TTC9: variants seen among roughly 807,000 people sequenced by gnomAD.
The protein encoded by TTC9 is tetratricopeptide repeat protein 9A.
Under a neutral mutation model 22.9 loss-of-function variants are expected in TTC9, and 13 were observed. The ratio of observed to expected loss-of-function variants is 0.57; its 90% CI spans 0.37 to 0.90. TTC9 has a LOEUF of 0.90. Ranked by LOEUF, TTC9 falls within the 40% of genes least tolerant of loss-of-function variation. The pLI is 0.01. For missense variants in TTC9, 280 were observed against 291.8 expected (o/e 0.96, Z 0.29); for synonymous variants, 148 against 133.2 (o/e 1.11, Z -0.77).
chr14:70,669,883 C>A (rs572775401), intron 2 of TTC9, among the ~76,000 whole-genome samples: 17 of 152,290 alleles, frequency 1.1e-4, no homozygotes, highest in South Asian at 4.1e-4. Flanking sequence ...CTATTCCAGG[C>A]AGCCCTGTCA....
At chr14:70,670,396 G>A (rs894069289) in intron 2 of TTC9, among the ~76,000 whole-genome samples, 3 of 152,184 alleles carry the variant, frequency 2.0e-5, no homozygotes, top group African/African-American at 7.2e-5. Flanking sequence ...GCTCACTCAC[G>A]CCTCTGATCC....
rs771897971 is a variant in TTC9, at chr14:70,642,324, G to A, written c.195G>A (p.Ala65=). 3 of 1,582,756 alleles carry A rather than the reference G, an allele frequency of 1.9e-6. No homozygotes were observed. The African/African-American group carries it at 4.1e-5, about 22-fold the overall frequency. The change falls in exon 1 of 3, where the codon GCG becomes GCA. Residue 65 remains alanine (A), a synonymous_variant. Transcript: ENST00000256367. ...CGCACGAGTTCAAAAGCCAAGGGGC[G>A]CAGTGCTACAAGGACAAGAAATTCC... ...RRAHEFKSQG[A]QCYKDKKFRE... is the part of the protein sequence containing the mutation.
chr14:70,643,433 G>A (rs1055850372), intron 1 of TTC9, among the ~76,000 whole-genome samples: 11 of 152,162 alleles, frequency 7.2e-5, no homozygotes, highest in Non-Finnish European at 1.6e-4. Context: ...GGCCTTCCTG[G>A]GAGAAGGTGG....
At chr14:70,667,305 C>T (rs1886228678) in intron 1 of TTC9, among the ~76,000 whole-genome samples, 1 of 152,224 alleles carries the variant, frequency 6.6e-6, no homozygotes, top group African/African-American at 2.4e-5. Flanking sequence ...AGGACTTCAA[C>T]ATATCTTTTG....
chr14:70,671,300 G>A lies in TTC9; in HGVS notation c.*145G>A, dbSNP rs1400740766. The A allele has an allele frequency of 7.8e-6, 5 of 642,140 alleles. No homozygotes were observed. The highest frequency in any genetic ancestry group is 3.7e-5 in the African/African-American group (2 of 54,262). 39.8% of individuals were successfully genotyped at this position (642,140 alleles called of 1,614,324 possible). A position where few individuals can be genotyped will look rare whatever the true frequency, so the allele number is the denominator to read the frequency against. On this transcript the variant is annotated 3_prime_UTR_variant, in exon 3 of 3. Transcript: ENST00000256367. The stretch of plus-strand genomic sequence containing the variant: ...TCCTCCTGTTGCACCCCAGCTCTTT[G>A]TCTCCTCCCAGTACGAAAAGGAGAG...
intron 2 of TTC9, among the ~76,000 whole-genome samples, chr14:70,669,000 C>CA (rs1368780896): frequency 6.6e-6 from 1 of 151,274 alleles, no homozygotes; most frequent in Non-Finnish European, 1.5e-5. Context: ...ACTAAAAATA[C>CA]AAAAAATTAT....
intron 1 of TTC9, among the ~76,000 whole-genome samples, chr14:70,661,989 G>C (rs1238443609): frequency 6.6e-6 from 1 of 152,172 alleles, no homozygotes; most frequent in East Asian, 1.9e-4. Context: ...AAGGAAGGCT[G>C]TTTCTCCTCT....
At chr14:70,667,489 G>C in intron 1 of TTC9, 75 bp from the exon 2 acceptor site, 3 of 1,541,200 alleles carry the variant, frequency 1.9e-6, no homozygotes, top group Non-Finnish European at 2.7e-6. Context: ...AACCTCTGGA[G>C]AGAAGCAACT....
At chr14:70,650,439 A>G (rs762165336) in intron 1 of TTC9, among the ~76,000 whole-genome samples, 1 of 151,822 alleles carries the variant, frequency 6.6e-6, no homozygotes, top group Non-Finnish European at 1.5e-5. Context: ...AAAAAAGAAT[A>G]TACTTGATGA....
rs938731727 is a variant in TTC9, at chr14:70,672,668, T to C, written c.*1513T>C. The C allele has an allele frequency of 7.2e-5, 11 of 152,344 alleles. No individual in the cohort carries two copies. The highest frequency in any genetic ancestry group is 2.6e-4 in the African/African-American group (11 of 41,574). The allele number at this position is 152,344 out of a possible 1,614,324, so 9.4% of individuals were successfully genotyped here. ...AAAATTAAAATATATACAGATGCAA[T>C]AATGTGAATAGTTAGGATTTATTAA... On this transcript the variant is annotated 3_prime_UTR_variant, in exon 3 of 3. Coordinates refer to ENST00000256367, the MANE Select transcript of TTC9 (RefSeq NM_015351.2).
At chr14:70,649,123 T>C (rs992440027) in intron 1 of TTC9, among the ~76,000 whole-genome samples, 1 of 152,154 alleles carries the variant, frequency 6.6e-6, no homozygotes, top group Non-Finnish European at 1.5e-5. Flanking sequence ...GCTAGGCATT[T>C]CCAATCATAG....
chr14:70,642,314 G>C lies in TTC9; in HGVS notation c.185G>C (p.Ser62Thr). Residue 62 changes from serine to threonine, a missense_variant, in exon 1 of 3, where the codon AGC becomes ACC. By Grantham distance (58) the Ser-to-Thr change is moderately conservative. Coordinates refer to ENST00000256367, the MANE Select transcript of TTC9 (RefSeq NM_015351.2). ...ATCCGACGAGCGCACGAGTTCAAAAGCCAAGGGGCGCAGTGCTACAAGGAC... is the reference window on the plus strand; with the variant it reads ...ATCCGACGAGCGCACGAGTTCAAAACCCAAGGGGCGCAGTGCTACAAGGAC... The part of the protein sequence containing the change: ...ELIRRAHEFK[S>T]QGAQCYKDKK... 2 of 1,570,814 alleles carry C rather than the reference G, an allele frequency of 1.3e-6. No homozygotes were observed. The highest frequency in any genetic ancestry group is 2.4e-5 in the East Asian group (1 of 41,204).
At chr14:70,650,518 C>T (rs1953796) in intron 1 of TTC9, among the ~76,000 whole-genome samples, 45,690 of 152,070 alleles carry the variant, frequency 0.3, 7,419 homozygotes, top group East Asian at 0.53. Flanking sequence ...TTCTTAAGAA[C>T]GTAGCAGAAG....
intron 1 of TTC9, among the ~76,000 whole-genome samples, chr14:70,650,422 C>A (rs1377979729): frequency 3.4e-5 from 5 of 145,490 alleles, no homozygotes; most frequent in African/African-American, 5.1e-5. Flanking sequence ...GACACCATCT[C>A]AAAAAAAAAA....
At chr14:70,645,406 T>C (rs1418971191) in intron 1 of TTC9, among the ~76,000 whole-genome samples, 1 of 152,222 alleles carries the variant, frequency 6.6e-6, no homozygotes, top group Non-Finnish European at 1.5e-5. Flanking sequence ...ATGTAAACAG[T>C]TTACAAAGCT....
rs1886339371 is a variant in TTC9, at chr14:70,674,405, G to A, written c.*3250G>A. On this transcript the variant is annotated 3_prime_UTR_variant, in exon 3 of 3. Coordinates refer to ENST00000256367, the MANE Select transcript of TTC9 (RefSeq NM_015351.2). Reference sequence around the variant, plus strand: ...AATATACCTTTTAGTTCTTTTTGGTGTAAATGTACACACGCACACACAGTT... The same window carrying A: ...AATATACCTTTTAGTTCTTTTTGGTATAAATGTACACACGCACACACAGTT... The A allele has an allele frequency of 1.3e-5, 2 of 152,180 alleles. No homozygotes were observed. Among genetic ancestry groups the A allele is most frequent in the Admixed American group, 1.3e-4 (2 of 15,266 alleles). 9.4% of individuals were successfully genotyped at this position (152,180 alleles called of 1,614,324 possible). A position where few individuals can be genotyped will look rare whatever the true frequency, so the allele number is the denominator to read the frequency against.
chr14:70,668,390 G>T (rs529293234), intron 2 of TTC9, among the ~76,000 whole-genome samples: 3 of 152,274 alleles, frequency 2.0e-5, no homozygotes, highest in African/African-American at 4.8e-5. Context: ...ACTGTCTATT[G>T]TAAGTGGGAA....
At chr14:70,660,410 T>A (rs1886129372) in intron 1 of TTC9, among the ~76,000 whole-genome samples, 1 of 152,254 alleles carries the variant, frequency 6.6e-6, no homozygotes, top group Admixed American at 6.5e-5. Context: ...GGACTCAAGA[T>A]GGAAATTTTC....
At position 70,671,267 on chromosome 14, in the gene TTC9, C is replaced by A. The variant is rs190117875; in HGVS notation, c.*112C>A. On this transcript the variant is annotated 3_prime_UTR_variant, in exon 3 of 3. Transcript: ENST00000256367. ...CCTTTCTCCCCACTTCTTCTGGCTC[C>A]TCATTTTTCCTCCTGTTGCACCCCA... 8 of 842,754 alleles carry A rather than the reference C, an allele frequency of 9.5e-6. No homozygotes were observed. The Admixed American group carries it at 1.8e-4, about 19-fold the overall frequency. The allele number at this position is 842,754 out of a possible 1,614,324, so 52.2% of individuals were successfully genotyped here.
Sources: allele counts gnomAD v4.1 joint callset (sites outside exome capture counted in the v4.1 genomes callset), GRCh38; gene constraint gnomAD v4.1.1; transcripts MANE v1.5; gene names NCBI Gene and HGNC (gene_info 2026-07-23, HGNC 2026-07-21).